TANC2: variants seen among roughly 807,000 people sequenced by gnomAD.
TANC2 encodes tetratricopeptide repeat, ankyrin repeat and coiled-coil containing 2.
TANC2 carries 26 observed loss-of-function variants against 210.5 expected under a neutral mutation model. The ratio of observed to expected loss-of-function variants is 0.12; its 90% CI spans 0.09 to 0.17. TANC2 has a LOEUF of 0.17. TANC2 is among the 10% of genes least tolerant of loss of function. The pLI is 1.00. For synonymous variants in TANC2, 931 were observed against 967.1 expected (o/e 0.96, Z 0.69); for missense variants, 2,129 against 2,608.9 (o/e 0.82, Z 4.01).
chr17:63,004,622 T>C, intron 1 of TANC2: 1 of 199,744 alleles, frequency 5.0e-6, no homozygotes, highest in Middle Eastern at 2.3e-3. Context: ...GAAAACAAAA[T>C]TCTGCATTTA....
chr17:63,306,312 T>C (rs889546470), intron 9 of TANC2, among the ~76,000 whole-genome samples: 2 of 152,226 alleles, frequency 1.3e-5, no homozygotes, highest in African/African-American at 2.4e-5. Context: ...ATTTTAATTA[T>C]ACTCAGGATG....
At chr17:63,281,316 G>A (rs1404000701) in intron 9 of TANC2, among the ~76,000 whole-genome samples, 2 of 152,086 alleles carry the variant, frequency 1.3e-5, no homozygotes, top group Admixed American at 6.6e-5. Flanking sequence ...AAAGCTGGCA[G>A]AATACTGGAA....
At chr17:63,213,043 G>GT (rs2041930474) in intron 7 of TANC2, among the ~76,000 whole-genome samples, 1 of 152,172 alleles carries the variant, frequency 6.6e-6, no homozygotes, top group Middle Eastern at 3.2e-3. Flanking sequence ...GAGGCTTGAT[G>GT]TTGTAGTTAA....
rs190020795 is a variant in TANC2 at position 63,167,596 on chromosome 17, A to G, written c.433+16216A>G. Among the ~76,000 whole-genome samples the G allele has an allele frequency of 7.9e-4, 120 of 152,312 alleles. 1 individual carries two copies. The highest frequency in any genetic ancestry group is 2.8e-3 in the African/African-American group (117 of 41,574). On this transcript the variant is annotated intron_variant, in intron 5 of 27. Transcript: ENST00000689528. Reference sequence around the variant, plus strand: ...TAACTCTATAGAAAACTACACTTACATACAAAATTTTGCCCACTGTCTGGG... The same window carrying G: ...TAACTCTATAGAAAACTACACTTACGTACAAAATTTTGCCCACTGTCTGGG...
Position 63,176,533 on chromosome 17 carries a change from C to T in TANC2, c.434-17458C>T, listed in dbSNP as rs146580664. ...AAAATAACAGAAAAAAGGCCGGTTG[C>T]GGTGGCTTACGCCTGTAATCCCAGC... is the stretch of plus-strand genomic sequence containing the variant. On this transcript the variant is annotated intron_variant, in intron 5 of 27. Transcript: ENST00000689528. Among the ~76,000 whole-genome samples, 369 of 152,250 alleles carry T rather than the reference C, an allele frequency of 2.4e-3. 5 individuals are homozygous for T. The highest frequency in any genetic ancestry group is 8.9e-3 in the East Asian group (46 of 5,184).
rs553216559 is a variant in TANC2 at position 63,165,221 on chromosome 17, C to CTATG, written c.433+13842_433+13845dup. On this transcript the variant is annotated intron_variant, in intron 5 of 27. Coordinates refer to ENST00000689528, the Ensembl canonical transcript of TANC2. ...CCCAGGAGTTTGGGGCTGCAGTGAG[C>CTATG]TATGGTAGCACCACTGCACTCCAGC... 1.8e-4 allele frequency among the ~76,000 whole-genome samples: 28 copies of CTATG among 152,006 alleles called. 1 individual carries two copies. The South Asian group carries it at 5.2e-3, about 28-fold the overall frequency.
exon 26 of TANC2, chr17:63,415,593 G>A: frequency 6.2e-7 from 1 of 1,613,816 alleles, no homozygotes; most frequent in African/African-American, 1.3e-5. Context: ...CTAGAGAAGG[G>A]TTTGGTGAGG....
chr17:63,135,219 A>G (rs2039050085), intron 4 of TANC2, among the ~76,000 whole-genome samples: 1 of 152,242 alleles, frequency 6.6e-6, no homozygotes, highest in East Asian at 1.9e-4. Flanking sequence ...AGCTAAAAAT[A>G]AAAAGCAAAA....
chr17:63,284,796 A>G lies in TANC2; in HGVS notation c.1159+16923A>G, dbSNP rs77296168. ...TCTTCTATATCCTTGCTGATTTTCT[A>G]CTTGTTCGCTTAATTATTAGAAGAG... On this transcript the variant is annotated intron_variant, in intron 9 of 27. Coordinates refer to ENST00000689528, the Ensembl canonical transcript of TANC2. 4.4e-4 allele frequency among the ~76,000 whole-genome samples: 67 copies of G among 152,140 alleles called. 1 individual carries two copies. In the East Asian group the frequency reaches 8.3e-3, roughly 19 times the overall value.
At chr17:62,985,397 C>T (rs1056365180) in intron 1 of TANC2, among the ~76,000 whole-genome samples, 3 of 152,128 alleles carry the variant, frequency 2.0e-5, no homozygotes, top group South Asian at 4.1e-4. Flanking sequence ...CCTCCTAGAT[C>T]TTGATGTTCA....
At chr17:63,191,055 T>A (rs540931118) in intron 5 of TANC2, among the ~76,000 whole-genome samples, 56 of 152,068 alleles carry the variant, frequency 3.7e-4, no homozygotes, top group African/African-American at 1.3e-3. Flanking sequence ...TAAATTTTCA[T>A]TTTGCAGGCA....
intron 1 of TANC2, among the ~76,000 whole-genome samples, chr17:62,981,197 A>G (rs1258977032): frequency 6.6e-6 from 1 of 152,148 alleles, no homozygotes; most frequent in African/African-American, 2.4e-5. Flanking sequence ...TCACATTGTC[A>G]GTATTTCCAT....
intron 2 of TANC2, among the ~76,000 whole-genome samples, chr17:63,049,617 G>C (rs376260460): frequency 8.5e-4 from 129 of 152,284 alleles, no homozygotes; most frequent in African/African-American, 3.0e-3. Flanking sequence ...ATAGGGGCCA[G>C]GTAATGTAGA....
At chr17:63,142,808 C>A (rs1185601736) in intron 4 of TANC2, among the ~76,000 whole-genome samples, 3 of 152,016 alleles carry the variant, frequency 2.0e-5, no homozygotes, top group African/African-American at 7.3e-5. Context: ...CTTAAAATCA[C>A]CTTATAATTC....
chr17:63,147,075 TA>T (rs973518915), intron 4 of TANC2, among the ~76,000 whole-genome samples: 2 of 152,112 alleles, frequency 1.3e-5, no homozygotes, highest in African/African-American at 4.8e-5. Flanking sequence ...CTCATGCCTG[TA>T]ATCCCAGCAC....
chr17:63,293,659 A>G (rs578227417), intron 9 of TANC2, among the ~76,000 whole-genome samples: 84 of 151,972 alleles, frequency 5.5e-4, no homozygotes, highest in South Asian at 1.9e-3. Context: ...ATTTGACTGG[A>G]CAGATCTGTT....
chr17:63,232,831 G>T (rs929547442), intron 7 of TANC2, among the ~76,000 whole-genome samples: 1 of 152,236 alleles, frequency 6.6e-6, no homozygotes, highest in African/African-American at 2.4e-5. Flanking sequence ...TGGACTACCC[G>T]GATTCCTCAG....
chr17:63,083,144 C>A (rs753996118), intron 3 of TANC2, among the ~76,000 whole-genome samples: 7 of 152,202 alleles, frequency 4.6e-5, no homozygotes, highest in African/African-American at 7.2e-5. Context: ...CTTCACTTCA[C>A]CACTCCTTCA....
chr17:63,213,474 A>G (rs1295397180), intron 7 of TANC2, among the ~76,000 whole-genome samples: 1 of 152,258 alleles, frequency 6.6e-6, no homozygotes, highest in African/African-American at 2.4e-5. Context: ...ACCAAATGAA[A>G]TTATATTTCA....
Sources: gnomAD v4.1 joint callset for allele counts (sites outside exome capture counted in the v4.1 genomes callset) on GRCh38, gnomAD v4.1.1 for gene constraint, MANE v1.5 for transcripts, NCBI Gene and HGNC (gene_info 2026-07-23, HGNC 2026-07-21) for gene names.